Variants in SHROOM3 observed in about 807,000 individuals in gnomAD.
SHROOM3 encodes shroom family member 3.
SHROOM3 carries 47 observed loss-of-function variants against 138.6 expected under a neutral mutation model. The observed-to-expected ratio is 0.34, with a 90% CI of 0.27 to 0.43. The LOEUF (loss-of-function observed/expected upper bound fraction) is 0.43, where lower values mean the gene tolerates loss of function less well. Among genes scored for constraint, SHROOM3 ranks in the 20% least tolerant of loss-of-function variants. The probability of loss-of-function intolerance (pLI) is 1.00; values close to 1 mark genes in which losing one functional copy is unlikely to be tolerated. For missense variants in SHROOM3, 2,491 were observed against 2,596.5 expected (o/e 0.96, Z 0.88); for synonymous variants, 1,062 against 1,063.3 (o/e 1.00, Z 0.02).
At position 76,770,324 on chromosome 4, in the gene SHROOM3, CAAAAAAAA is replaced by C. The variant is rs529468839; in HGVS notation, c.5350-282_5350-275del. On this transcript the variant is annotated intron_variant, in intron 9 of 10. Coordinates refer to ENST00000296043, the MANE Select transcript of SHROOM3 (RefSeq NM_020859.4). Reference sequence around the variant, plus strand: ...GGGTGACAAGAGCCAAACTCTGTCTCAAAAAAAAAAAAAAAAAAAAAAAAAAACAGAAG... The same window carrying C: ...GGGTGACAAGAGCCAAACTCTGTCTCAAAAAAAAAAAAAAAAAAACAGAAG... 3.4e-3 allele frequency among the ~76,000 whole-genome samples: 122 copies of C among 36,092 alleles called. 1 individual carries two copies. Among genetic ancestry groups the C allele is most frequent in the African/African-American group, 0.01 (118 of 11,424 alleles). 23.7% of individuals were successfully genotyped at this position (36,092 alleles called of 152,430 possible).
At position 76,620,870 on chromosome 4, in the gene SHROOM3, T is replaced by C. The variant is rs555201556; in HGVS notation, c.323+65107T>C. 7.2e-5 allele frequency among the ~76,000 whole-genome samples: 11 copies of C among 152,246 alleles called. No homozygotes were observed. The South Asian group carries it at 1.5e-3, about 20-fold the overall frequency. On this transcript the variant is annotated intron_variant, in intron 2 of 10. Coordinates refer to ENST00000296043, the MANE Select transcript of SHROOM3 (RefSeq NM_020859.4). ...TCCACTCTTTAATGACTCTTTTAAA[T>C]CATTCAACAGTCACTTCTACCCAGA...
intron 9 of SHROOM3, among the ~76,000 whole-genome samples, chr4:76,769,615 CAG>C (rs1366379200): frequency 1.3e-5 from 2 of 152,138 alleles, no homozygotes; most frequent in Non-Finnish European, 1.5e-5. Context: ...TAACTGGAGA[CAG>C]GGGAGGTAGA....
rs1735057330 is a variant in SHROOM3, at chr4:76,623,723, T to G, written c.323+67960T>G. On this transcript the variant is annotated intron_variant, in intron 2 of 10. Transcript: ENST00000296043. ...CTTTCAAGATTATTATGCCTCTAAA[T>G]CTTTTTCTGTCTCTTTCCTATTTAG... Among the ~76,000 whole-genome samples the G allele has an allele frequency of 2.0e-5, 3 of 152,352 alleles. No individual in the cohort carries two copies. In the South Asian group the frequency reaches 6.2e-4, roughly 32 times the overall value.
intron 2 of SHROOM3, among the ~76,000 whole-genome samples, chr4:76,585,138 GTT>G (rs935357105): frequency 1.3e-5 from 2 of 152,178 alleles, no homozygotes; most frequent in Admixed American, 1.3e-4. Flanking sequence ...CTTTGTTGGT[GTT>G]TGGAATGATT....
chr4:76,745,348 TG>T (rs1184159121), intron 5 of SHROOM3, among the ~76,000 whole-genome samples: 2 of 152,224 alleles, frequency 1.3e-5, no homozygotes, highest in Non-Finnish European at 2.9e-5. Context: ...AGATTACTGG[TG>T]GGGATATTTC....
intron 2 of SHROOM3, among the ~76,000 whole-genome samples, chr4:76,575,252 T>C (rs1733915458): frequency 1.3e-5 from 2 of 152,120 alleles, no homozygotes; most frequent in African/African-American, 4.8e-5. Context: ...AGTATCACAC[T>C]GAATGGGAAA....
chr4:76,757,562 G>C (rs1560617810), intron 8 of SHROOM3, among the ~76,000 whole-genome samples: 1 of 152,212 alleles, frequency 6.6e-6, no homozygotes, highest in East Asian at 1.9e-4. Flanking sequence ...GGAGAGCCTA[G>C]AGAAATAGAT....
intron 1 of SHROOM3, among the ~76,000 whole-genome samples, chr4:76,531,091 C>T (rs1461915897): frequency 6.6e-6 from 1 of 152,146 alleles, no homozygotes; most frequent in African/African-American, 2.4e-5. Context: ...GTACATATAG[C>T]AGAAACTTCT....
chr4:76,453,592 C>T (rs987993410), intron 1 of SHROOM3, among the ~76,000 whole-genome samples: 2 of 152,066 alleles, frequency 1.3e-5, no homozygotes, highest in Admixed American at 6.6e-5. Context: ...GATGTGGTAT[C>T]TCATTTTGTG....
At chr4:76,603,433 A>T (rs1308118750) in intron 2 of SHROOM3, among the ~76,000 whole-genome samples, 1 of 152,036 alleles carries the variant, frequency 6.6e-6, no homozygotes, top group Non-Finnish European at 1.5e-5. Context: ...AAAAACAAAC[A>T]AACAAACAAA....
chr4:76,660,739 G>A (rs377172148), intron 2 of SHROOM3, among the ~76,000 whole-genome samples: 15 of 152,134 alleles, frequency 9.9e-5, no homozygotes, highest in African/African-American at 3.1e-4. Context: ...GCCTCCCAAA[G>A]TGCTGGGATT....
rs764093871 is a variant in SHROOM3, at chr4:76,740,795, C to T, written c.2622C>T (p.Ser874=). ...AGCTGAGCGGAGGAGCGTCGGACAGCGGCCGTGGCCCCCAGAGGCCGGACG... is the reference window on the plus strand; with the variant it reads ...AGCTGAGCGGAGGAGCGTCGGACAGTGGCCGTGGCCCCCAGAGGCCGGACG... The part of the protein sequence containing the change: ...GQQLSGGASD[S]GRGPQRPDAR... Residue 874 remains serine (S), a synonymous_variant, in exon 5 of 11, where the codon AGC becomes AGT. Transcript: ENST00000296043. This position sits in a 1 kb window ranked among gnomAD's most constrained non-coding sequence, Gnocchi z 4.0. 4.3e-6 allele frequency: 7 copies of T among 1,609,600 alleles called. No individual in the cohort carries two copies. Among genetic ancestry groups the T allele is most frequent in the South Asian group, 1.1e-5 (1 of 90,912 alleles).
At chr4:76,485,582 G>A (rs1452168138) in intron 1 of SHROOM3, among the ~76,000 whole-genome samples, 1 of 152,076 alleles carries the variant, frequency 6.6e-6, no homozygotes, top group African/African-American at 2.4e-5. Context: ...AGTTAGCTTT[G>A]GCCAGGTGAT....
chr4:76,599,871 C>T (rs544715876), intron 2 of SHROOM3, among the ~76,000 whole-genome samples: 2 of 152,268 alleles, frequency 1.3e-5, no homozygotes, highest in South Asian at 4.2e-4. Flanking sequence ...GTTATTAATG[C>T]CAGTGTTCAG....
In SHROOM3 at chr4:76,710,299, G is replaced by A. The variant is rs202220093; in HGVS notation, c.455+12G>A. 193 of 1,613,782 alleles carry A rather than the reference G, an allele frequency of 1.2e-4. No individual in the cohort carries two copies. In the Middle Eastern group the frequency reaches 1.5e-3, roughly 12 times the overall value. Reference sequence around the variant, plus strand: ...CGGCTGAAGCACAGGTAAGACGCACGGAAGTTGGTGCTGGCAGTTCGGAAA... The same window carrying A: ...CGGCTGAAGCACAGGTAAGACGCACAGAAGTTGGTGCTGGCAGTTCGGAAA... On this transcript the variant is annotated intron_variant, in intron 3 of 10. Coordinates refer to ENST00000296043, the MANE Select transcript of SHROOM3 (RefSeq NM_020859.4).
At chr4:76,666,557 A>G (rs1718699307) in intron 2 of SHROOM3, among the ~76,000 whole-genome samples, 1 of 152,202 alleles carries the variant, frequency 6.6e-6, no homozygotes, top group Non-Finnish European at 1.5e-5. Context: ...GATTACAGGC[A>G]TAAGCGATCA....
At chr4:76,702,867 T>G (rs889817760) in intron 2 of SHROOM3, among the ~76,000 whole-genome samples, 7 of 152,142 alleles carry the variant, frequency 4.6e-5, no homozygotes, top group Non-Finnish European at 1.0e-4. Flanking sequence ...GGTTAAAAGA[T>G]TTGGCAGGTC....
chr4:76,479,938 G>T (rs1047748026), intron 1 of SHROOM3, among the ~76,000 whole-genome samples: 1 of 152,156 alleles, frequency 6.6e-6, no homozygotes, highest in East Asian at 1.9e-4. Flanking sequence ...GAGAGATTTT[G>T]TCACCACCAG....
chr4:76,757,015 T>C, intron 8 of SHROOM3, 78 bp downstream of exon 8: 1 of 1,606,036 alleles, frequency 6.2e-7, no homozygotes, highest in South Asian at 1.1e-5. Flanking sequence ...CTAGGACTAG[T>C]TGCCTGATGT....
Sources: gnomAD v4.1 joint callset for allele counts (sites outside exome capture counted in the v4.1 genomes callset) on GRCh38, gnomAD v4.1.1 for gene constraint, Gnocchi (gnomAD v3.1) non-coding constraint, MANE v1.5 for transcripts, NCBI Gene and HGNC (gene_info 2026-07-23, HGNC 2026-07-21) for gene names.